TBC1D23: variants seen among roughly 807,000 people sequenced by gnomAD.
TBC1D23 encodes the protein TBC1 domain family member 23.
In TBC1D23, 55 loss-of-function variants were observed where a neutral mutation model predicts 91.4. That is an observed-to-expected ratio of 0.60 (90% confidence interval 0.48 to 0.75). The LOEUF (loss-of-function observed/expected upper bound fraction) is 0.75, where lower values mean the gene tolerates loss of function less well. Ranked by LOEUF, TBC1D23 falls within the 30% of genes least tolerant of loss-of-function variation. TBC1D23 has a pLI of 0.00. For synonymous variants in TBC1D23, 289 were observed against 281.0 expected (o/e 1.03, Z -0.28); for missense variants, 725 against 836.1 (o/e 0.87, Z 1.64).
chr3:100,298,151 G>A (rs1054356877), intron 9 of TBC1D23, 106 bp downstream of exon 9: 2 of 985,852 alleles, frequency 2.0e-6, no homozygotes, highest in African/African-American at 3.3e-5. Context: ...ACTGCAACAA[G>A]GTGGCTCTTT....
intron 1 of TBC1D23, chr3:100,279,376 A>G (rs902592006): frequency 3.7e-5 from 10 of 269,642 alleles, no homozygotes; most frequent in African/African-American, 2.2e-4. Flanking sequence ...ATGACTTCAC[A>G]GTGCTGTCAG....
chr3:100,290,766 G>GT (rs140797989), intron 5 of TBC1D23, 65 bp downstream of exon 5: 27,518 of 998,710 alleles, frequency 0.028, no homozygotes, highest in East Asian at 0.03. Flanking sequence ...AGTTAGGTGG[G>GT]TTTTTTTTTT....
At chr3:100,316,423 T>C (rs936633338) in intron 16 of TBC1D23, among the ~76,000 whole-genome samples, 1 of 152,050 alleles carries the variant, frequency 6.6e-6, no homozygotes, top group African/African-American at 2.4e-5. Context: ...ACCTGCATGT[T>C]GTGCGCATGT....
intron 13 of TBC1D23, among the ~76,000 whole-genome samples, chr3:100,309,062 A>G (rs1018053454): frequency 6.6e-6 from 1 of 152,178 alleles, no homozygotes; most frequent in Non-Finnish European, 1.5e-5. Flanking sequence ...AATCCCAGCT[A>G]TTCAGGAGAC....
chr3:100,297,834 T>G lies in TBC1D23; in HGVS notation c.877-89T>G, dbSNP rs577868790. 5.3e-6 allele frequency: 6 copies of G among 1,141,372 alleles called. No individual in the cohort carries two copies. In the South Asian group the frequency reaches 9.8e-5, roughly 19 times the overall value. 70.7% of individuals were successfully genotyped at this position (1,141,372 alleles called of 1,614,324 possible). On this transcript the variant is annotated intron_variant, in intron 8 of 18. Coordinates refer to ENST00000394144, the MANE Select transcript of TBC1D23 (RefSeq NM_001199198.3). The stretch of plus-strand genomic sequence containing the variant: ...ATCACAACTCAAGAGTATTATAATT[T>G]TACCTTTTATCATGGTTTAATAAGA...
chr3:100,261,305 C>T (rs1287761368), intron 1 of TBC1D23: 2 of 574,882 alleles, frequency 3.5e-6, no homozygotes, highest in Non-Finnish European at 6.2e-6. Context: ...TGCTGGGCCT[C>T]AGAACGGTCC....
chr3:100,267,225 T>G, intron 1 of TBC1D23: 1 of 451,984 alleles, frequency 2.2e-6, no homozygotes, highest in South Asian at 1.6e-5. Context: ...GAGTTAAATA[T>G]TGAGAATTAC....
rs1408734412 is a variant in TBC1D23, at chr3:100,310,554, A to G, written c.1553+12A>G. On this transcript the variant is annotated intron_variant, in intron 14 of 18. Transcript: ENST00000394144. ...ACTCCTGTGGATCGGTGAGTTGTTT[A>G]TACAGTATGAGTTTATGATGAGTAA... The G allele has an allele frequency of 6.2e-7, 1 of 1,604,662 alleles. No homozygotes were observed. The highest frequency in any genetic ancestry group is 8.5e-7 in the Non-Finnish European group (1 of 1,175,090).
rs771062779 is a variant in TBC1D23 at position 100,295,242 on chromosome 3, C to T, written c.725+31C>T. 1.9e-5 allele frequency: 31 copies of T among 1,589,874 alleles called. No individual in the cohort carries two copies. In the African/African-American group the frequency reaches 3.3e-4, roughly 17 times the overall value. On this transcript the variant is annotated intron_variant, in intron 6 of 18. Transcript: ENST00000394144. ...TATCTGGTTGGTTAGATTTTTTTTCCTCTTTTCTCAGGGTGCTCTGTTAAT... is the reference window on the plus strand; with the variant it reads ...TATCTGGTTGGTTAGATTTTTTTTCTTCTTTTCTCAGGGTGCTCTGTTAAT...
At chr3:100,300,539 C>T (rs1298884564) in intron 10 of TBC1D23, among the ~76,000 whole-genome samples, 1 of 145,192 alleles carries the variant, frequency 6.9e-6, no homozygotes, top group Non-Finnish European at 1.5e-5. Flanking sequence ...TTCTACTCTG[C>T]CACTCAGGCT....
chr3:100,284,248 C>G (rs2067721298), intron 4 of TBC1D23, among the ~76,000 whole-genome samples: 1 of 151,932 alleles, frequency 6.6e-6, no homozygotes, highest in African/African-American at 2.4e-5. Context: ...TTATTTTGTT[C>G]CACAATAGTA....
rs1313489900 is a variant in TBC1D23 at position 100,321,026 on chromosome 3, G to T, written c.2018+55G>T. The T allele has an allele frequency of 1.6e-5, 21 of 1,291,176 alleles. 1 individual carries two copies. In the South Asian group the frequency reaches 2.9e-4, roughly 18 times the overall value. The allele number at this position is 1,291,176 out of a possible 1,614,324, so 80.0% of individuals were successfully genotyped here. On this transcript the variant is annotated intron_variant, in intron 18 of 18. Coordinates refer to ENST00000394144, the MANE Select transcript of TBC1D23 (RefSeq NM_001199198.3). Reference sequence around the variant, plus strand: ...GAATTCAGATATTATCTGAATTACTGTAGTTCACTATAAAGAGTTTGTTTC... The same window carrying T: ...GAATTCAGATATTATCTGAATTACTTTAGTTCACTATAAAGAGTTTGTTTC...
chr3:100,316,230 G>A (rs1424115810), intron 16 of TBC1D23, 43 bp downstream of exon 16: 1 of 1,386,822 alleles, frequency 7.2e-7, no homozygotes. Flanking sequence ...GCTGTCATTA[G>A]GAGTGATTAC....
intron 3 of TBC1D23, 111 bp from the exon 4 acceptor site, chr3:100,283,496 T>C (rs573207883): frequency 1.1e-5 from 7 of 654,964 alleles, no homozygotes; most frequent in Non-Finnish European, 1.8e-5. Context: ...TTTCACTTTG[T>C]CTTTCTCTAA....
intron 4 of TBC1D23, among the ~76,000 whole-genome samples, chr3:100,284,289 C>A (rs12633745): frequency 1.3e-5 from 2 of 151,620 alleles, no homozygotes; most frequent in South Asian, 2.1e-4. Context: ...TTTTTTATAA[C>A]GTGTTGTATA....
At chr3:100,312,199 T>C (rs1405693718) in intron 15 of TBC1D23, among the ~76,000 whole-genome samples, 1 of 152,228 alleles carries the variant, frequency 6.6e-6, no homozygotes, top group East Asian at 1.9e-4. Flanking sequence ...TGGTCGCGAG[T>C]TGGCAGGTTA....
At chr3:100,301,302 T>C (rs919822009) in intron 10 of TBC1D23, among the ~76,000 whole-genome samples, 7 of 150,368 alleles carry the variant, frequency 4.7e-5, no homozygotes, top group Non-Finnish European at 8.9e-5. Context: ...TGGTGGAACC[T>C]TCTTACGTTT....
chr3:100,282,026 T>C (rs2067699652), intron 3 of TBC1D23, among the ~76,000 whole-genome samples, 179 bp downstream of exon 3: 1 of 152,170 alleles, frequency 6.6e-6, no homozygotes, highest in Non-Finnish European at 1.5e-5. Flanking sequence ...GGGAGCCTAG[T>C]TTTGACTGGG....
intron 16 of TBC1D23, among the ~76,000 whole-genome samples, chr3:100,316,748 A>T (rs776289474): frequency 2.6e-5 from 4 of 152,080 alleles, no homozygotes; most frequent in Non-Finnish European, 4.4e-5. Flanking sequence ...GGGCCACAAG[A>T]TGGTGATACT....
Sources: allele counts gnomAD v4.1 joint callset (sites outside exome capture counted in the v4.1 genomes callset), GRCh38; gene constraint gnomAD v4.1.1; transcripts MANE v1.5; gene names NCBI Gene and HGNC (gene_info 2026-07-23, HGNC 2026-07-21).